The following CACNA1E variants were observed in gnomAD, a reference collection of about 807,000 sequenced individuals.
CACNA1E encodes the protein calcium voltage-gated channel subunit alpha1 E.
Under a neutral mutation model 259.2 loss-of-function variants are expected in CACNA1E, and 40 were observed. That is an observed-to-expected ratio of 0.15 (90% CI 0.12 to 0.20). CACNA1E has a LOEUF of 0.20. CACNA1E is among the 10% of genes least tolerant of loss of function. CACNA1E has a pLI of 1.00. For synonymous variants in CACNA1E, 1,104 were observed against 1,138.5 expected, an observed-to-expected ratio of 0.97 and a Z score of 0.61; for missense variants, 1,874 against 3,040.1, an observed-to-expected ratio of 0.62 and a Z score of 9.02.
intron 23 of CACNA1E, 102 bp from the exon 24 acceptor site, chr1:181,738,265 A>G: frequency 2.3e-6 from 2 of 879,732 alleles, no homozygotes; most frequent in Non-Finnish European, 3.9e-6. Flanking sequence ...GGTGAGGGCC[A>G]GGGTGGGCGT....
chr1:181,466,090 T>C (rs567162004), intron 2 of CACNA1E, among the ~76,000 whole-genome samples: 84 of 152,344 alleles, frequency 5.5e-4, no homozygotes, highest in Non-Finnish European at 9.8e-4. Flanking sequence ...GACAGAAGCT[T>C]CCTTGTTATC....
chr1:181,679,110 G>A (rs1272067084), intron 7 of CACNA1E, among the ~76,000 whole-genome samples: 1 of 152,200 alleles, frequency 6.6e-6, no homozygotes, highest in African/African-American at 2.4e-5. Context: ...ACTCAGACAG[G>A]ACAGAGTCAT....
intron 1 of CACNA1E, among the ~76,000 whole-genome samples, chr1:181,495,844 A>G (rs1240536182): frequency 2.6e-5 from 4 of 152,276 alleles, no homozygotes; most frequent in Non-Finnish European, 5.9e-5. Context: ...TTATAAATAT[A>G]TAACACTTAT....
chr1:181,649,918 T>G (rs1004576786), intron 6 of CACNA1E, among the ~76,000 whole-genome samples: 5 of 152,200 alleles, frequency 3.3e-5, no homozygotes, highest in African/African-American at 1.2e-4. Context: ...GCTTAATACC[T>G]GGGTGATGAA....
intron 1 of CACNA1E, among the ~76,000 whole-genome samples, chr1:181,408,937 C>T (rs1028594641): frequency 1.3e-5 from 2 of 152,162 alleles, no homozygotes; most frequent in African/African-American, 4.8e-5. Context: ...AAGCTGCTCA[C>T]CTGGGTCCAC....
rs546014618 is a variant in CACNA1E at position 181,495,753 on chromosome 1, T to C, written c.266+11743T>C. ...CTTTGCCTGCCTTATAAGACTGTTGTGAGGTTAGCATTGGCTAATGTGTAT... is the reference window on the plus strand; with the variant it reads ...CTTTGCCTGCCTTATAAGACTGTTGCGAGGTTAGCATTGGCTAATGTGTAT... On this transcript the variant is annotated intron_variant, in intron 1 of 47. Coordinates refer to ENST00000367573, the MANE Select transcript of CACNA1E (RefSeq NM_001205293.3). Among the ~76,000 whole-genome samples, 30 of 152,320 alleles carry C rather than the reference T, an allele frequency of 2.0e-4. No individual in the cohort carries two copies. In the South Asian group the frequency reaches 6.2e-3, roughly 32 times the overall value.
intron 2 of CACNA1E, among the ~76,000 whole-genome samples, chr1:181,471,235 T>C (rs531276817): frequency 9.8e-5 from 15 of 152,328 alleles, no homozygotes; most frequent in African/African-American, 3.6e-4. Context: ...TACTTCTGCA[T>C]TGGGGATTAA....
chr1:181,382,673 C>T (rs1655540547), intron 1 of CACNA1E, among the ~76,000 whole-genome samples: 1 of 152,206 alleles, frequency 6.6e-6, no homozygotes, highest in African/African-American at 2.4e-5. Flanking sequence ...CTGCTCTGTA[C>T]AAATACCTTA....
chr1:181,556,942 C>T (rs1020564980), intron 3 of CACNA1E, among the ~76,000 whole-genome samples: 4 of 152,214 alleles, frequency 2.6e-5, no homozygotes, highest in Admixed American at 6.5e-5. Flanking sequence ...TCTCTCCCTC[C>T]CTTTTTTGTA....
At chr1:181,690,123 T>C (rs150323258) in intron 7 of CACNA1E, among the ~76,000 whole-genome samples, 2,334 of 152,332 alleles carry the variant, frequency 0.015, 21 homozygotes, top group Non-Finnish European at 0.024. Flanking sequence ...TACGTTTAAG[T>C]CTTTCATCCA....
rs188800166 is a variant in CACNA1E, at chr1:181,334,448, C to T, written c.-15+16325C>T. Among the ~76,000 whole-genome samples, 403 of 152,330 alleles carry T rather than the reference C, an allele frequency of 2.6e-3. 1 individual carries two copies. The highest frequency in any genetic ancestry group is 3.2e-3 in the Admixed American group (49 of 15,300). ...TCCATCCAATTGTTATGAGAGGTAT[C>T]CACATGGATGTCTGACAGGCACATC... On this transcript the variant is annotated intron_variant, in intron 1 of 11. Transcript: ENST00000524607.
intron 1 of CACNA1E, among the ~76,000 whole-genome samples, chr1:181,489,865 C>G (rs1250119546): frequency 6.6e-6 from 1 of 152,228 alleles, no homozygotes; most frequent in Admixed American, 6.5e-5. Flanking sequence ...GCTTCTAAAG[C>G]AGTCCCTTCC....
At chr1:181,396,381 G>A (rs192389423) in intron 1 of CACNA1E, among the ~76,000 whole-genome samples, 1 of 152,366 alleles carries the variant, frequency 6.6e-6, no homozygotes, top group Non-Finnish European at 1.5e-5. Context: ...ACCACATCAA[G>A]CATGACAAGA....
intron 1 of CACNA1E, among the ~76,000 whole-genome samples, chr1:181,372,815 T>C (rs1432384039): frequency 3.8e-5 from 5 of 133,112 alleles, no homozygotes; most frequent in African/African-American, 1.6e-4. Flanking sequence ...GTTGAATATA[T>C]ATATATATAT....
chr1:181,427,360 A>C (rs1659363656), intron 2 of CACNA1E, among the ~76,000 whole-genome samples: 1 of 120,502 alleles, frequency 8.3e-6, no homozygotes, highest in Admixed American at 8.8e-5. Context: ...CCGCCATCTC[A>C]ACTCCTCCCC....
intron 2 of CACNA1E, among the ~76,000 whole-genome samples, chr1:181,429,044 T>C (rs1659517426): frequency 6.6e-6 from 1 of 152,068 alleles, no homozygotes; most frequent in East Asian, 1.9e-4. Flanking sequence ...TAGCTGGGCA[T>C]GGTGGCACAC....
chr1:181,682,833 G>A (rs145966682), intron 7 of CACNA1E, among the ~76,000 whole-genome samples: 3 of 152,270 alleles, frequency 2.0e-5, no homozygotes, highest in African/African-American at 7.2e-5. Context: ...CAGCACCGAG[G>A]GGATGCTGCT....
At chr1:181,792,673 A>C (rs1019825259) in intron 44 of CACNA1E, among the ~76,000 whole-genome samples, 1 of 56,902 alleles carries the variant, frequency 1.8e-5, no homozygotes, top group Non-Finnish European at 3.6e-5. Context: ...CCTTTGGGCA[A>C]TGCCCTGTTT....
Position 181,492,120 on chromosome 1 carries a change from C to T in CACNA1E, c.266+8110C>T, listed in dbSNP as rs533183666. ...GTATTACTTGATGCAGGCTTTCTCA[C>T]GGAAAACAAAACAAAACAAAACAAA... is the stretch of plus-strand genomic sequence containing the variant. On this transcript the variant is annotated intron_variant, in intron 1 of 47. Transcript: ENST00000367573. Among the ~76,000 whole-genome samples, 482 of 152,138 alleles carry T rather than the reference C, an allele frequency of 3.2e-3. 3 individuals carry two copies. Among genetic ancestry groups the T allele is most frequent in the African/African-American group, 8.5e-3 (354 of 41,464 alleles).
Sources: allele counts gnomAD v4.1 joint callset (sites outside exome capture counted in the v4.1 genomes callset), GRCh38; gene constraint gnomAD v4.1.1; transcripts MANE v1.5; gene names NCBI Gene and HGNC (gene_info 2026-07-23, HGNC 2026-07-21).